PPP1CB: variants seen among roughly 807,000 people sequenced by gnomAD.
The protein encoded by PPP1CB is serine/threonine-protein phosphatase PP1-beta catalytic subunit.
A neutral mutation model predicts 43.7 loss-of-function variants in PPP1CB; 2 were observed. The ratio of observed to expected loss-of-function variants is 0.05; its 90% CI spans 0.02 to 0.14. PPP1CB has a LOEUF of 0.14. PPP1CB is among the 10% of genes least tolerant of loss of function. The pLI, the probability that PPP1CB is intolerant of heterozygous loss-of-function variation, is 1.00. For missense variants in PPP1CB, 84 were observed against 398.0 expected (o/e 0.21, Z 6.71); for synonymous variants, 136 against 135.6 (o/e 1.00, Z -0.02).
At chr2:28,765,169 A>T (rs992828337) in intron 1 of PPP1CB, among the ~76,000 whole-genome samples, 2 of 152,220 alleles carry the variant, frequency 1.3e-5, no homozygotes, top group African/African-American at 4.8e-5. Context: ...AATGTGAAAT[A>T]TAATGGTTGA....
chr2:28,782,624 A>G (rs150168486), intron 4 of PPP1CB: 4 of 152,348 alleles, frequency 2.6e-5, no homozygotes, highest in Admixed American at 2.0e-4. Flanking sequence ...AGTTTAGGGA[A>G]TGTGTAAGAA....
intron 6 of PPP1CB, among the ~76,000 whole-genome samples, chr2:28,791,721 A>G (rs1490551254): frequency 6.6e-6 from 1 of 152,148 alleles, no homozygotes; most frequent in Non-Finnish European, 1.5e-5. Flanking sequence ...TAAGTTTCCT[A>G]ACTAAAATGA....
At chr2:28,768,869 T>TA (rs1225350046) in intron 1 of PPP1CB, among the ~76,000 whole-genome samples, 2 of 152,138 alleles carry the variant, frequency 1.3e-5, no homozygotes, top group African/African-American at 4.8e-5. Flanking sequence ...ATGAGAGACT[T>TA]ATGTATTGCT....
intron 1 of PPP1CB, among the ~76,000 whole-genome samples, chr2:28,753,541 C>A (rs1666398597): frequency 6.6e-6 from 1 of 152,056 alleles, no homozygotes; most frequent in African/African-American, 2.4e-5. Flanking sequence ...CCTGGGAGGC[C>A]CCCTGGTGCC....
intron 1 of PPP1CB, among the ~76,000 whole-genome samples, chr2:28,768,450 A>G (rs1666830427): frequency 6.6e-6 from 1 of 152,134 alleles, no homozygotes; most frequent in African/African-American, 2.4e-5. Flanking sequence ...AAGAGAAGAA[A>G]CCCAGCAGAA....
chr2:28,757,349 G>T lies in PPP1CB; in HGVS notation c.52+5173G>T, dbSNP rs542977770. On this transcript the variant is annotated intron_variant, in intron 1 of 7. Coordinates refer to ENST00000395366, the MANE Select transcript of PPP1CB (RefSeq NM_002709.3). ...TGCTGCTATCAACATTTGTGTAGAA[G>T]TTTTTTTTTGTGGGCATATACTTTC... Among the ~76,000 whole-genome samples the T allele has an allele frequency of 1.3e-3, 204 of 151,612 alleles. 1 individual carries two copies. The highest frequency in any genetic ancestry group is 2.4e-3 in the Non-Finnish European group (161 of 67,844).
intron 1 of PPP1CB, among the ~76,000 whole-genome samples, chr2:28,753,405 G>T (rs1285047461): frequency 6.6e-6 from 1 of 152,202 alleles, no homozygotes. Context: ...GTGAGTACCT[G>T]TTCTGTAACT....
chr2:28,774,998 TTAA>T (rs986007294), intron 1 of PPP1CB, among the ~76,000 whole-genome samples: 1 of 152,212 alleles, frequency 6.6e-6, no homozygotes, highest in African/African-American at 2.4e-5. Flanking sequence ...TACTTTTATA[TTAA>T]TATATTAATG....
intron 4 of PPP1CB, chr2:28,782,965 A>G (rs1306067387): frequency 2.0e-5 from 3 of 152,234 alleles, no homozygotes; most frequent in Non-Finnish European, 4.4e-5. Flanking sequence ...GTTCTTGTAC[A>G]TTAGTGTAGC....
At chr2:28,771,266 C>CTGGT (rs1360755218) in intron 1 of PPP1CB, among the ~76,000 whole-genome samples, 2 of 152,022 alleles carry the variant, frequency 1.3e-5, no homozygotes, top group African/African-American at 4.8e-5. Flanking sequence ...GTTGGCCAGG[C>CTGGT]TGGTCTCTTC....
chr2:28,795,726 T>C (rs1176641228), intron 7 of PPP1CB, among the ~76,000 whole-genome samples: 1 of 152,202 alleles, frequency 6.6e-6, no homozygotes, highest in Non-Finnish European at 1.5e-5. Flanking sequence ...GTTTGTATTT[T>C]CTCTCATTCT....
At chr2:28,794,102 G>T (rs1667446044) in intron 7 of PPP1CB, 105 bp downstream of exon 7, 2 of 921,996 alleles carry the variant, frequency 2.2e-6, no homozygotes, top group Non-Finnish European at 3.2e-6. Flanking sequence ...TTGAAAGTCT[G>T]TTTAATTCAG....
rs754928440 is a variant in PPP1CB, at chr2:28,789,076, A to AG, written c.744+269dup. Reference sequence around the variant, plus strand: ...ACATAAGCCCTCTCATTTTGTTTTGAGGAAACATATCCAAGAAAGCTAAAT... The same window carrying AG: ...ACATAAGCCCTCTCATTTTGTTTTGAGGGAAACATATCCAAGAAAGCTAAAT... On this transcript the variant is annotated intron_variant, in intron 6 of 7. Coordinates refer to ENST00000395366, the MANE Select transcript of PPP1CB (RefSeq NM_002709.3). Among the ~76,000 whole-genome samples, 6 of 152,258 alleles carry AG rather than the reference A, an allele frequency of 3.9e-5. No individual in the cohort carries two copies. The East Asian group carries it at 1.2e-3, about 29-fold the overall frequency.
intron 5 of PPP1CB, among the ~76,000 whole-genome samples, chr2:28,784,327 A>G (rs1200494409): frequency 6.6e-6 from 1 of 152,226 alleles, no homozygotes; most frequent in Non-Finnish European, 1.5e-5. Flanking sequence ...TTTAATTAAA[A>G]TAATCTATTC....
intron 7 of PPP1CB, among the ~76,000 whole-genome samples, chr2:28,794,714 A>G (rs1045948239): frequency 1.3e-5 from 2 of 152,040 alleles, no homozygotes; most frequent in Admixed American, 6.6e-5. Context: ...TTTCCTGAGG[A>G]AAAAAAACTT....
At chr2:28,786,499 G>A (rs983019507) in intron 5 of PPP1CB, among the ~76,000 whole-genome samples, 3 of 152,026 alleles carry the variant, frequency 2.0e-5, no homozygotes, top group Non-Finnish European at 4.4e-5. Flanking sequence ...TGCATCCAGA[G>A]TGTCATGTTT....
At position 28,752,037 on chromosome 2, in the gene PPP1CB, G is replaced by A. The variant is rs890802882; in HGVS notation, c.-88G>A. The A allele has an allele frequency of 3.6e-5, 47 of 1,295,810 alleles. No homozygotes were observed. The highest frequency in any genetic ancestry group is 4.8e-5 in the Non-Finnish European group (44 of 915,668). The allele number at this position is 1,295,810 out of a possible 1,614,324, so 80.3% of individuals were successfully genotyped here. ...GGGTCGAAACGCCGCGTGACTTGTAGGTGAGAGAACGCCGAGCCGTCGCCG... is the reference window on the plus strand; with the variant it reads ...GGGTCGAAACGCCGCGTGACTTGTAAGTGAGAGAACGCCGAGCCGTCGCCG... On this transcript the variant is annotated 5_prime_UTR_variant, in exon 1 of 8. Transcript: ENST00000395366.
intron 1 of PPP1CB, among the ~76,000 whole-genome samples, chr2:28,755,959 C>T (rs1558295079): frequency 6.6e-6 from 1 of 152,168 alleles, no homozygotes. Context: ...AAGAAGTCCC[C>T]TGTAATTCCA....
intron 1 of PPP1CB, among the ~76,000 whole-genome samples, chr2:28,768,355 G>C (rs1050359679): frequency 6.6e-6 from 1 of 152,162 alleles, no homozygotes; most frequent in African/African-American, 2.4e-5. Context: ...GTCCAGGAGA[G>C]GAGAGAACCA....
Sources: allele counts gnomAD v4.1 joint callset (sites outside exome capture counted in the v4.1 genomes callset), GRCh38; gene constraint gnomAD v4.1.1; transcripts MANE v1.5; gene names NCBI Gene and HGNC (gene_info 2026-07-23, HGNC 2026-07-21).